The following VRK2 variants were observed in gnomAD, a reference collection of about 807,000 sequenced individuals.
VRK2 encodes the protein VRK serine/threonine kinase 2.
In VRK2, 60 loss-of-function variants were observed where a neutral mutation model predicts 57.6. The observed-to-expected ratio is 1.04, with a 90% CI of 0.85 to 1.29. VRK2 has a LOEUF of 1.29. VRK2 is among the 50% of genes most tolerant of loss of function. The probability of loss-of-function intolerance (pLI) is 0.00; values close to 1 mark genes in which losing one functional copy is unlikely to be tolerated. For synonymous variants in VRK2, 231 were observed against 199.2 expected (o/e 1.16, Z -1.35); for missense variants, 705 against 588.1 (o/e 1.20, Z -2.06).
At chr2:57,996,921 A>G (rs1482840896) in intron 1 of VRK2, among the ~76,000 whole-genome samples, 2 of 151,616 alleles carry the variant, frequency 1.3e-5, no homozygotes, top group Non-Finnish European at 2.9e-5. Context: ...TACTTTTTTT[A>G]TTATATTTTT....
intron 6 of VRK2, among the ~76,000 whole-genome samples, chr2:58,088,669 C>G (rs1351396564): frequency 6.6e-6 from 1 of 152,196 alleles, no homozygotes; most frequent in Non-Finnish European, 1.5e-5. Context: ...CTTTGGTTCT[C>G]CAGTCTGATC....
chr2:57,969,008 G>A (rs1672009541), intron 1 of VRK2, among the ~76,000 whole-genome samples: 1 of 152,056 alleles, frequency 6.6e-6, no homozygotes, highest in Non-Finnish European at 1.5e-5. Flanking sequence ...AAGCCTCATT[G>A]CCAGGTTTCC....
At chr2:58,048,158 T>C (rs1226457651) in intron 1 of VRK2, among the ~76,000 whole-genome samples, 1 of 152,232 alleles carries the variant, frequency 6.6e-6, no homozygotes, top group African/African-American at 2.4e-5. Flanking sequence ...GCTTTTGTTG[T>C]TGGTGGCACA....
chr2:57,990,854 TACAC>T (rs34097486), intron 1 of VRK2, among the ~76,000 whole-genome samples: 66,566 of 148,594 alleles, frequency 0.45, 14,807 homozygotes, highest in African/African-American at 0.52. Context: ...CACACAGACA[TACAC>T]ACACACACAC....
intron 1 of VRK2, 99 bp downstream of exon 1, chr2:58,046,967 G>A: frequency 1.0e-6 from 1 of 985,448 alleles, no homozygotes; most frequent in Non-Finnish European, 1.2e-6. Flanking sequence ...GTCGGAGTTA[G>A]ATGCCGGGGA....
intron 7 of VRK2, among the ~76,000 whole-genome samples, chr2:58,121,704 T>C (rs1019826882): frequency 6.6e-6 from 1 of 152,200 alleles, no homozygotes; most frequent in African/African-American, 2.4e-5. Flanking sequence ...ATAGATACAT[T>C]TTAAAGTGCA....
At chr2:58,006,982 C>A (rs1466743975) in intron 1 of VRK2, among the ~76,000 whole-genome samples, 1 of 151,932 alleles carries the variant, frequency 6.6e-6, no homozygotes, top group Admixed American at 6.6e-5. Context: ...GAGGAAGGAC[C>A]CCAGTACATT....
intron 7 of VRK2, among the ~76,000 whole-genome samples, chr2:58,114,178 C>CT (rs1676055381): frequency 6.6e-6 from 1 of 152,226 alleles, no homozygotes; most frequent in East Asian, 1.9e-4. Context: ...TATAAAAAGT[C>CT]TAAGAATTGG....
chr2:58,144,979 C>G (rs970251895), intron 11 of VRK2, among the ~76,000 whole-genome samples: 1 of 151,966 alleles, frequency 6.6e-6, no homozygotes, highest in Non-Finnish European at 1.5e-5. Context: ...GCTTGCCCAG[C>G]CAATGTAATT....
chr2:57,937,265 C>A (rs1289453631), intron 1 of VRK2, among the ~76,000 whole-genome samples: 1 of 152,140 alleles, frequency 6.6e-6, no homozygotes, highest in Non-Finnish European at 1.5e-5. Context: ...AGTTCAGGGT[C>A]TTTACTCTGG....
At chr2:57,996,758 T>C (rs1459179674) in intron 1 of VRK2, among the ~76,000 whole-genome samples, 1 of 152,126 alleles carries the variant, frequency 6.6e-6, no homozygotes, top group Non-Finnish European at 1.5e-5. Flanking sequence ...GATGTATAAG[T>C]CCCTTGTATA....
At chr2:57,954,016 C>A (rs1488228117) in intron 1 of VRK2, among the ~76,000 whole-genome samples, 1 of 152,146 alleles carries the variant, frequency 6.6e-6, no homozygotes, top group Non-Finnish European at 1.5e-5. Context: ...CATCTCACCA[C>A]CATGTCCTCC....
chr2:57,944,750 A>G (rs1435804661), intron 1 of VRK2, among the ~76,000 whole-genome samples: 1 of 151,604 alleles, frequency 6.6e-6, no homozygotes, highest in Admixed American at 6.6e-5. Flanking sequence ...AAAAAAAAAG[A>G]AAAACATTAA....
chr2:57,992,536 CT>C (rs532679750), intron 1 of VRK2, among the ~76,000 whole-genome samples: 54 of 147,556 alleles, frequency 3.7e-4, no homozygotes, highest in Middle Eastern at 3.5e-3. Flanking sequence ...AGTGTTGTTT[CT>C]TTTTTTTTTT....
At chr2:58,010,022 C>A (rs1673371217) in intron 1 of VRK2, among the ~76,000 whole-genome samples, 1 of 152,118 alleles carries the variant, frequency 6.6e-6, no homozygotes, top group Admixed American at 6.6e-5. Context: ...ATGTACAGAA[C>A]CTCCCCAAGT....
At position 57,994,690 on chromosome 2, in the gene VRK2, A is replaced by C. The variant is rs555074267; in HGVS notation, c.-438-30975A>C. 2.4e-4 allele frequency among the ~76,000 whole-genome samples: 36 copies of C among 152,298 alleles called. No homozygotes were observed. The East Asian group carries it at 6.9e-3, about 29-fold the overall frequency. The stretch of plus-strand genomic sequence containing the variant: ...ACTCATAAAAATTATTAAAGATCCC[A>C]AAGACCATTTGTTTATATGGATTAT... On this transcript the variant is annotated intron_variant, in intron 1 of 15. Transcript: ENST00000417641.
At chr2:57,996,978 A>T (rs1672944202) in intron 1 of VRK2, among the ~76,000 whole-genome samples, 1 of 152,130 alleles carries the variant, frequency 6.6e-6, no homozygotes, top group Admixed American at 6.5e-5. Context: ...ATGAGTAAAA[A>T]GCTAGGGATA....
At chr2:57,931,004 A>T (rs567312804) in intron 1 of VRK2, among the ~76,000 whole-genome samples, 66 of 152,176 alleles carry the variant, frequency 4.3e-4, no homozygotes, top group African/African-American at 1.3e-3. Context: ...CATATTATAT[A>T]TTATGCATTC....
intron 1 of VRK2, among the ~76,000 whole-genome samples, chr2:57,986,745 C>G (rs1030049491): frequency 6.6e-6 from 1 of 151,852 alleles, no homozygotes; most frequent in Non-Finnish European, 1.5e-5. Context: ...ATTACAGGTG[C>G]GCACCACCAC....
Sources: allele counts gnomAD v4.1 joint callset (sites outside exome capture counted in the v4.1 genomes callset), GRCh38; gene constraint gnomAD v4.1.1; transcripts MANE v1.5; gene names NCBI Gene and HGNC (gene_info 2026-07-23, HGNC 2026-07-21).